The following CDK19 variants were observed in gnomAD, a reference collection of about 807,000 sequenced individuals.
CDK19 encodes the protein cyclin-dependent kinase 19.
Under a neutral mutation model 68.3 loss-of-function variants are expected in CDK19, and 20 were observed. That is an observed-to-expected ratio of 0.29 (90% CI 0.21 to 0.43). The LOEUF is 0.43. Among genes scored for constraint, CDK19 ranks in the 20% least tolerant of loss-of-function variants. CDK19 has a pLI of 1.00. For missense variants in CDK19, 339 were observed against 623.5 expected (o/e 0.54, Z 4.86); for synonymous variants, 221 against 222.8 (o/e 0.99, Z 0.07).
chr6:110,713,544 C>T (rs1003094205), intron 2 of CDK19, among the ~76,000 whole-genome samples: 75 of 149,448 alleles, frequency 5.0e-4, no homozygotes, highest in Admixed American at 1.6e-3. Flanking sequence ...GTAGCTAGGA[C>T]TACTACCACA....
At chr6:110,670,072 G>T (rs527899158) in intron 3 of CDK19, among the ~76,000 whole-genome samples, 1 of 152,162 alleles carries the variant, frequency 6.6e-6, no homozygotes, top group East Asian at 1.9e-4. Context: ...CAGGAGAATC[G>T]CTTGAACCTG....
chr6:110,645,586 G>C (rs1416023380), intron 4 of CDK19: 8 of 187,488 alleles, frequency 4.3e-5, no homozygotes, highest in Admixed American at 2.3e-4. Flanking sequence ...GCAAGTGGAG[G>C]GGACCGTTCA....
At position 110,610,845 on chromosome 6, in the gene CDK19, TA is replaced by T. The variant is rs1195451233; in HGVS notation, c.*3689del. 6.6e-6 allele frequency: 1 copy of T among 152,224 alleles called. No homozygotes were observed. Among genetic ancestry groups the T allele is most frequent in the Non-Finnish European group, 1.5e-5 (1 of 68,040 alleles). 9.4% of individuals were successfully genotyped at this position (152,224 alleles called of 1,614,324 possible). On this transcript the variant is annotated 3_prime_UTR_variant, in exon 13 of 13. Coordinates refer to ENST00000368911, the MANE Select transcript of CDK19 (RefSeq NM_015076.5). ...CAAGTTGCATGTCTTATTTTCCAACTATTTTTTTCTTTTCTTTTACCTTTAG... is the reference window on the plus strand; with the variant it reads ...CAAGTTGCATGTCTTATTTTCCAACTTTTTTTTCTTTTCTTTTACCTTTAG...
chr6:110,784,683 A>C (rs1781074108), intron 1 of CDK19, among the ~76,000 whole-genome samples: 1 of 152,184 alleles, frequency 6.6e-6, no homozygotes. Context: ...AACTTCTACA[A>C]AAATATTCAT....
intron 1 of CDK19, among the ~76,000 whole-genome samples, chr6:110,803,628 A>C (rs531046371): frequency 2.4e-4 from 37 of 152,302 alleles, no homozygotes; most frequent in African/African-American, 8.9e-4. Context: ...CTAAAATAAT[A>C]GGATTTACTC....
chr6:110,757,775 C>CT lies in CDK19; in HGVS notation c.129-11575dup, dbSNP rs148541849. On this transcript the variant is annotated intron_variant, in intron 1 of 12. Transcript: ENST00000368911. ...TATAGAAAGATAATAACAATTGAAC[C>CT]TAGGCATTCAAGGCAGCTGAATGTA... is the stretch of plus-strand genomic sequence containing the variant. Among the ~76,000 whole-genome samples the CT allele has an allele frequency of 5.3e-3, 812 of 152,170 alleles. 10 individuals carry two copies. Among genetic ancestry groups the CT allele is most frequent in the African/African-American group, 0.019 (768 of 41,500 alleles).
chr6:110,712,279 A>G (rs764971419), intron 2 of CDK19, among the ~76,000 whole-genome samples: 1 of 152,236 alleles, frequency 6.6e-6, no homozygotes, highest in Non-Finnish European at 1.5e-5. Context: ...AATATATTTG[A>G]GCATAGAATC....
intron 1 of CDK19, among the ~76,000 whole-genome samples, chr6:110,768,158 C>T (rs1398360632): frequency 6.6e-6 from 1 of 152,200 alleles, no homozygotes; most frequent in Admixed American, 6.5e-5. Context: ...ATGCTCAACT[C>T]TCATGTCATT....
intron 2 of CDK19, among the ~76,000 whole-genome samples, chr6:110,680,119 C>T (rs1157592089): frequency 6.6e-6 from 1 of 152,156 alleles, no homozygotes; most frequent in African/African-American, 2.4e-5. Context: ...TCCAGGGACG[C>T]TAAGCCTCCA....
intron 2 of CDK19, among the ~76,000 whole-genome samples, chr6:110,706,084 T>C (rs1287333014): frequency 1.3e-5 from 2 of 152,156 alleles, no homozygotes; most frequent in Admixed American, 6.5e-5. Context: ...AGACGGAGTC[T>C]TGCTGTCGCC....
At chr6:110,667,384 TAA>T (rs1253410145) in intron 4 of CDK19, 48 bp downstream of exon 4, 11 of 1,254,176 alleles carry the variant, frequency 8.8e-6, no homozygotes, top group East Asian at 2.5e-5. Flanking sequence ...ATATATTTTT[TAA>T]AAGAGTAGGG....
intron 2 of CDK19, among the ~76,000 whole-genome samples, chr6:110,689,450 G>T (rs973777548): frequency 1.3e-5 from 2 of 152,174 alleles, no homozygotes; most frequent in African/African-American, 4.8e-5. Context: ...ACCACAGGTG[G>T]TGCTCTCTTG....
chr6:110,685,033 G>C (rs935900200), intron 2 of CDK19, among the ~76,000 whole-genome samples: 3 of 152,170 alleles, frequency 2.0e-5, no homozygotes, highest in African/African-American at 7.2e-5. Context: ...AGCTACCCAA[G>C]AGGCTGAGGC....
chr6:110,678,428 T>C (rs1018033471), intron 2 of CDK19, among the ~76,000 whole-genome samples: 4 of 152,160 alleles, frequency 2.6e-5, no homozygotes, highest in Non-Finnish European at 5.9e-5. Context: ...AGTACCTCTA[T>C]TCCCACTGCT....
At chr6:110,718,315 G>A (rs1186102685) in intron 2 of CDK19, among the ~76,000 whole-genome samples, 1 of 152,146 alleles carries the variant, frequency 6.6e-6, no homozygotes, top group Non-Finnish European at 1.5e-5. Context: ...CTCAAAAACA[G>A]ATGACGACGC....
chr6:110,690,779 T>C (rs1772918449), intron 2 of CDK19, among the ~76,000 whole-genome samples: 1 of 152,030 alleles, frequency 6.6e-6, no homozygotes, highest in Non-Finnish European at 1.5e-5. Flanking sequence ...TATAGAGTCA[T>C]CACCCCTGAA....
intron 4 of CDK19, among the ~76,000 whole-genome samples, chr6:110,651,248 T>TCTAC (rs1780948657): frequency 6.6e-6 from 1 of 151,806 alleles, no homozygotes; most frequent in Non-Finnish European, 1.5e-5. Flanking sequence ...TATCTATCTA[T>TCTAC]CTATCTATCT....
intron 1 of CDK19, among the ~76,000 whole-genome samples, chr6:110,790,516 C>T (rs1781516667): frequency 6.6e-6 from 1 of 151,872 alleles, no homozygotes; most frequent in Non-Finnish European, 1.5e-5. Flanking sequence ...GCCTGGGTGA[C>T]AGAGCAAGAC....
chr6:110,623,939 ATG>A (rs1314607722), intron 8 of CDK19, among the ~76,000 whole-genome samples: 1 of 147,868 alleles, frequency 6.8e-6, no homozygotes, highest in South Asian at 2.1e-4. Context: ...ATATATATAT[ATG>A]TGTGTATATA....
Sources: allele counts gnomAD v4.1 joint callset (sites outside exome capture counted in the v4.1 genomes callset), GRCh38; gene constraint gnomAD v4.1.1; transcripts MANE v1.5; gene names NCBI Gene and HGNC (gene_info 2026-07-23, HGNC 2026-07-21).